The following ZFAND3 variants were observed in gnomAD, a reference collection of about 807,000 sequenced individuals.
ZFAND3 encodes AN1-type zinc finger protein 3.
Under a neutral mutation model 29.6 loss-of-function variants are expected in ZFAND3, and 10 were observed. The ratio of observed to expected loss-of-function variants is 0.34; its 90% CI spans 0.21 to 0.57. ZFAND3 has a LOEUF of 0.57. Ranked by LOEUF, ZFAND3 falls within the 20% of genes least tolerant of loss-of-function variation. The probability of loss-of-function intolerance (pLI) is 0.86; values close to 1 mark genes in which losing one functional copy is unlikely to be tolerated. For synonymous variants in ZFAND3, 128 were observed against 112.6 expected (o/e 1.14, Z -0.87); for missense variants, 230 against 304.5 (o/e 0.76, Z 1.82).
intron 3 of ZFAND3, among the ~76,000 whole-genome samples, chr6:38,080,408 A>T (rs139336695): frequency 6.6e-6 from 1 of 152,098 alleles, no homozygotes; most frequent in Admixed American, 6.6e-5. Context: ...CTATGTAGCA[A>T]TGACCCAACA....
At chr6:37,970,293 G>A (rs1303947948) in intron 2 of ZFAND3, among the ~76,000 whole-genome samples, 6 of 152,138 alleles carry the variant, frequency 3.9e-5, no homozygotes, top group Non-Finnish European at 7.4e-5. Flanking sequence ...TGAATAGTTG[G>A]TAAGTCCGTA....
Position 38,065,051 on chromosome 6 carries a change from G to A in ZFAND3, c.295+3276G>A, listed in dbSNP as rs116704372. Among the ~76,000 whole-genome samples the A allele has an allele frequency of 2.1e-3, 314 of 152,320 alleles. 2 individuals are homozygous for A. Among genetic ancestry groups the A allele is most frequent in the African/African-American group, 7.3e-3 (304 of 41,572 alleles). ...AAAAGCAGGGAGGGCTGGGCACATG[G>A]CTCACGCCTGTAATCCCAGCATTTT... is the stretch of plus-strand genomic sequence containing the variant. On this transcript the variant is annotated intron_variant, in intron 3 of 5. Coordinates refer to ENST00000287218, the MANE Select transcript of ZFAND3 (RefSeq NM_021943.3).
At chr6:37,927,502 G>A (rs1747361709) in intron 1 of ZFAND3, among the ~76,000 whole-genome samples, 3 of 152,196 alleles carry the variant, frequency 2.0e-5, no homozygotes, top group Non-Finnish European at 4.4e-5. Flanking sequence ...AGAATGTTCT[G>A]CAAACTACAG....
In ZFAND3 at chr6:38,060,191, C is replaced by T. The variant is rs183430731; in HGVS notation, c.113-1402C>T. ...GCTGACTGTGGAACCTGAGTATATG[C>T]GGGAGTTCTGAAACCAGTCCCCTGT... On this transcript the variant is annotated intron_variant, in intron 2 of 5. Coordinates refer to ENST00000287218, the MANE Select transcript of ZFAND3 (RefSeq NM_021943.3). 4.6e-5 allele frequency among the ~76,000 whole-genome samples: 7 copies of T among 152,132 alleles called. No individual in the cohort carries two copies. In the East Asian group the frequency reaches 9.7e-4, roughly 21 times the overall value.
chr6:38,153,895 C>A lies in ZFAND3; in HGVS notation c.*1506C>A. 1 of 985,484 alleles carries A rather than the reference C, an allele frequency of 1.0e-6. No homozygotes were observed. The highest frequency in any genetic ancestry group is 1.1e-4 in the East Asian group (1 of 8,818). The allele number at this position is 985,484 out of a possible 1,614,324, so 61.0% of individuals were successfully genotyped here. A position where few individuals can be genotyped will look rare whatever the true frequency, so the allele number is the denominator to read the frequency against. ...AGGCTACTGGAATAGTTTAACCCAG[C>A]AACTTTCCTTTTTATAAAACAACAA... On this transcript the variant is annotated 3_prime_UTR_variant, in exon 6 of 6. Coordinates refer to ENST00000287218, the MANE Select transcript of ZFAND3 (RefSeq NM_021943.3).
chr6:37,858,756 A>G (rs906468837), intron 1 of ZFAND3, among the ~76,000 whole-genome samples: 2 of 152,224 alleles, frequency 1.3e-5, no homozygotes, highest in Non-Finnish European at 2.9e-5. Context: ...AAAGGTTAAG[A>G]TGTTTTTAAA....
chr6:37,954,129 T>G (rs1762045913), intron 2 of ZFAND3, among the ~76,000 whole-genome samples: 1 of 152,176 alleles, frequency 6.6e-6, no homozygotes, highest in Non-Finnish European at 1.5e-5. Flanking sequence ...ATCCTTTTTT[T>G]CTCTGGGTGC....
chr6:38,012,808 G>A (rs1178035931), intron 2 of ZFAND3, among the ~76,000 whole-genome samples: 1 of 152,170 alleles, frequency 6.6e-6, no homozygotes, highest in East Asian at 1.9e-4. Context: ...TCTAGTGGCT[G>A]CTCTGACCAT....
chr6:37,959,567 A>T (rs1049217331), intron 2 of ZFAND3, among the ~76,000 whole-genome samples: 1 of 152,188 alleles, frequency 6.6e-6, no homozygotes, highest in East Asian at 1.9e-4. Context: ...CATATTATGT[A>T]TAGAAATGGT....
At chr6:37,876,963 A>T (rs893339097) in intron 1 of ZFAND3, among the ~76,000 whole-genome samples, 1 of 152,218 alleles carries the variant, frequency 6.6e-6, no homozygotes, top group Non-Finnish European at 1.5e-5. Flanking sequence ...AAATGCATCA[A>T]TTAGTTCTAT....
intron 4 of ZFAND3, among the ~76,000 whole-genome samples, chr6:38,114,852 C>T (rs1395484068): frequency 2.0e-5 from 3 of 152,184 alleles, no homozygotes; most frequent in Admixed American, 2.0e-4. Context: ...TTTATTGAGC[C>T]ATAGGCATGG....
At chr6:38,112,217 T>TG (rs1371731090) in intron 4 of ZFAND3, among the ~76,000 whole-genome samples, 3 of 152,124 alleles carry the variant, frequency 2.0e-5, no homozygotes, top group Non-Finnish European at 4.4e-5. Context: ...GTTGTGAACG[T>TG]GGAATGGGGG....
At chr6:37,874,357 A>G (rs1764754054) in intron 1 of ZFAND3, among the ~76,000 whole-genome samples, 1 of 151,972 alleles carries the variant, frequency 6.6e-6, no homozygotes, top group South Asian at 2.1e-4. Flanking sequence ...GTCTATTAAA[A>G]CTACAAAATT....
intron 1 of ZFAND3, among the ~76,000 whole-genome samples, chr6:37,881,325 A>G (rs1056165402): frequency 2.0e-5 from 3 of 151,988 alleles, no homozygotes; most frequent in East Asian, 4.0e-4. Flanking sequence ...GCCTCCAGTG[A>G]TCTGCCCACC....
At chr6:38,126,500 A>G (rs998969357) in intron 5 of ZFAND3, among the ~76,000 whole-genome samples, 2 of 152,204 alleles carry the variant, frequency 1.3e-5, no homozygotes, top group Admixed American at 6.5e-5. Flanking sequence ...ATATCATTTT[A>G]TATTCCCATT....
chr6:37,833,796 C>T (rs937752965), intron 1 of ZFAND3, among the ~76,000 whole-genome samples: 4 of 147,480 alleles, frequency 2.7e-5, no homozygotes, highest in Non-Finnish European at 5.9e-5. Flanking sequence ...ACTGCACTTC[C>T]AGCCTGGGCG....
intron 1 of ZFAND3, among the ~76,000 whole-genome samples, chr6:37,836,137 T>C (rs1169825949): frequency 6.6e-6 from 1 of 152,214 alleles, no homozygotes; most frequent in African/African-American, 2.4e-5. Context: ...TATTGTTAGA[T>C]CAGTGATTCT....
chr6:38,076,730 C>T (rs914122530), intron 3 of ZFAND3, among the ~76,000 whole-genome samples: 1 of 152,164 alleles, frequency 6.6e-6, no homozygotes, highest in South Asian at 2.1e-4. Context: ...TAGATTCCAA[C>T]TCACTATATG....
intron 2 of ZFAND3, among the ~76,000 whole-genome samples, chr6:37,992,485 A>G (rs2127436041): frequency 1.3e-5 from 2 of 152,188 alleles, no homozygotes; most frequent in South Asian, 4.1e-4. Flanking sequence ...AGTTACTTGC[A>G]TTTTTCCACG....
Sources: gnomAD v4.1 joint callset for allele counts (sites outside exome capture counted in the v4.1 genomes callset) on GRCh38, gnomAD v4.1.1 for gene constraint, MANE v1.5 for transcripts, NCBI Gene and HGNC (gene_info 2026-07-23, HGNC 2026-07-21) for gene names.